DTHD1: variants seen among roughly 807,000 people sequenced by gnomAD.
DTHD1 encodes death domain-containing protein 1.
A neutral mutation model predicts 74.8 loss-of-function variants in DTHD1; 59 were observed. That is an observed-to-expected ratio of 0.79 (90% CI 0.64 to 0.98). The LOEUF is 0.98. Among genes scored for constraint, DTHD1 ranks in the 50% least tolerant of loss-of-function variants. The probability of loss-of-function intolerance (pLI) is 0.00; values close to 1 mark genes in which losing one functional copy is unlikely to be tolerated. For missense variants in DTHD1, 1,051 were observed against 1,065.4 expected (o/e 0.99, Z 0.19); for synonymous variants, 365 against 371.1 (o/e 0.98, Z 0.19).
At chr4:36,321,906 G>T (rs574165766) in intron 8 of DTHD1, among the ~76,000 whole-genome samples, 6 of 152,188 alleles carry the variant, frequency 3.9e-5, no homozygotes, top group African/African-American at 1.4e-4. Context: ...TGAGTTTTTG[G>T]AATATGCCAC....
At position 36,281,864 on chromosome 4, in the gene DTHD1, G is replaced by A; in HGVS notation, c.106G>A (p.Glu36Lys). Residue 36 changes from glutamate (E) to lysine (K), a missense_variant, in exon 1 of 10, where the codon GAG becomes AAG. Physicochemically the swap from Glu to Lys is moderately conservative, Grantham distance 56. Transcript: ENST00000639862. ...KQALLGDDLCEGAGGATWMAT... is the reference protein window; with the variant it reads ...KQALLGDDLCKGAGGATWMAT... ...GGCACTCTTGGGTGATGACCTTTGTGAGGGGGCTGGTGGGGCCACTTGGAT... is the reference window on the plus strand; with the variant it reads ...GGCACTCTTGGGTGATGACCTTTGTAAGGGGGCTGGTGGGGCCACTTGGAT... 1 of 1,266,422 alleles carries A rather than the reference G, an allele frequency of 7.9e-7. No individual in the cohort carries two copies. The highest frequency in any genetic ancestry group is 1.0e-6 in the Non-Finnish European group (1 of 1,003,564). 78.4% of individuals were successfully genotyped at this position (1,266,422 alleles called of 1,614,324 possible). A position where few individuals can be genotyped will look rare whatever the true frequency, so the allele number is the denominator to read the frequency against.
chr4:36,293,966 T>A (rs1447902723), intron 4 of DTHD1, among the ~76,000 whole-genome samples: 1 of 152,110 alleles, frequency 6.6e-6, no homozygotes, highest in Non-Finnish European at 1.5e-5. Context: ...TTCTTTATGA[T>A]ATTTATTGGG....
At chr4:36,330,082 T>C (rs139829252) in intron 8 of DTHD1, among the ~76,000 whole-genome samples, 341 of 152,350 alleles carry the variant, frequency 2.2e-3, no homozygotes, top group African/African-American at 7.8e-3. Context: ...AGATACATGA[T>C]ATAACTCAAT....
intron 8 of DTHD1, among the ~76,000 whole-genome samples, chr4:36,332,341 T>G (rs1409534338): frequency 6.6e-6 from 1 of 152,188 alleles, no homozygotes; most frequent in Non-Finnish European, 1.5e-5. Flanking sequence ...AGAGAAGGAT[T>G]TACAATTTTC....
rs1313568784 is a variant in DTHD1 at position 36,343,676 on chromosome 4, C to A, written c.2573C>A (p.Ser858Ter). 3 of 1,551,652 alleles carry A rather than the reference C, an allele frequency of 1.9e-6. No homozygotes were observed. The highest frequency in any genetic ancestry group is 2.4e-5 in the East Asian group (1 of 40,940). Residue 858 changes from serine to a stop codon, truncating the protein, a stop_gained, in exon 10 of 10, where the codon TCG becomes TAG. Coordinates refer to ENST00000639862, the MANE Select transcript of DTHD1 (RefSeq NM_001170700.3). LOFTEE classifies it high-confidence loss of function. ...GAGTTTCTTTGCTTCTGGAAAAAAT[C>A]GCTTCCAACTTTCACCGACAAACTT... The part of the protein sequence containing the change: ...IHEFLCFWKK[S>*]LPTFTDKLRL...
intron 9 of DTHD1, 76 bp downstream of exon 9, chr4:36,339,245 A>T: frequency 1.0e-6 from 1 of 1,004,028 alleles, no homozygotes; most frequent in Non-Finnish European, 1.4e-6. Flanking sequence ...GAATCATTTC[A>T]TAAAAAGGAA....
chr4:36,283,509 G>C (rs774881428), intron 1 of DTHD1, among the ~76,000 whole-genome samples: 1 of 152,162 alleles, frequency 6.6e-6, no homozygotes, highest in Non-Finnish European at 1.5e-5. Flanking sequence ...AATAATGGAG[G>C]TATGGTGTTT....
At chr4:36,290,280 C>T (rs1441041356) in intron 2 of DTHD1, 93 bp from the exon 3 acceptor site, 36 of 1,273,430 alleles carry the variant, frequency 2.8e-5, no homozygotes, top group Non-Finnish European at 3.8e-5. Flanking sequence ...CACACCAAGA[C>T]AATGTAGATC....
intron 2 of DTHD1, among the ~76,000 whole-genome samples, chr4:36,286,467 C>G (rs1307962833): frequency 2.6e-5 from 4 of 152,178 alleles, no homozygotes; most frequent in African/African-American, 9.7e-5. Context: ...GTGTGATAAA[C>G]AAAACCTCAC....
At chr4:36,327,020 G>T (rs959420103) in intron 8 of DTHD1, among the ~76,000 whole-genome samples, 1 of 151,078 alleles carries the variant, frequency 6.6e-6, no homozygotes, top group African/African-American at 2.4e-5. Flanking sequence ...AGACCGGAGT[G>T]CAGTGGCATG....
chr4:36,339,591 T>C (rs1759205960), intron 9 of DTHD1, among the ~76,000 whole-genome samples: 1 of 152,194 alleles, frequency 6.6e-6, no homozygotes, highest in Non-Finnish European at 1.5e-5. Context: ...TAAGAAACAT[T>C]TAATATTTGG....
In DTHD1 at chr4:36,347,348, A is replaced by C. The variant is rs1034869479; in HGVS notation, c.*3524A>C. 3.3e-5 allele frequency among the ~76,000 whole-genome samples: 5 copies of C among 152,126 alleles called. No individual in the cohort carries two copies. The highest frequency in any genetic ancestry group is 5.9e-5 in the Non-Finnish European group (4 of 68,006). Reference sequence around the variant, plus strand: ...ATTTTGCTGTGTGTGGCAATGGTTCATTCTCATTAATGTATAATATTCTAT... The same window carrying C: ...ATTTTGCTGTGTGTGGCAATGGTTCCTTCTCATTAATGTATAATATTCTAT... On this transcript the variant is annotated 3_prime_UTR_variant, in exon 10 of 10. Transcript: ENST00000639862.
intron 6 of DTHD1, among the ~76,000 whole-genome samples, chr4:36,306,628 A>G (rs1197230450): frequency 1.3e-5 from 2 of 152,222 alleles, no homozygotes; most frequent in Non-Finnish European, 2.9e-5. Context: ...CATTTCTGAA[A>G]TACCATGGAG....
intron 7 of DTHD1, among the ~76,000 whole-genome samples, chr4:36,309,823 T>C (rs974514464): frequency 3.9e-5 from 6 of 152,242 alleles, no homozygotes; most frequent in South Asian, 4.1e-4. Context: ...CAATGTTTGA[T>C]AGATTTATAT....
intron 8 of DTHD1, among the ~76,000 whole-genome samples, chr4:36,322,853 C>T (rs910656078): frequency 1.3e-5 from 2 of 152,154 alleles, no homozygotes; most frequent in Non-Finnish European, 2.9e-5. Context: ...TGTATTTTGG[C>T]AGAAACAAGG....
chr4:36,338,966 C>G (rs1759162301), intron 8 of DTHD1, 146 bp from the exon 9 acceptor site: 1 of 570,538 alleles, frequency 1.8e-6, no homozygotes, highest in African/African-American at 1.9e-5. Context: ...GCTGAGCATG[C>G]ATGCACAAAT....
At chr4:36,300,112 T>G (rs1321159784) in intron 5 of DTHD1, among the ~76,000 whole-genome samples, 1 of 152,226 alleles carries the variant, frequency 6.6e-6, no homozygotes, top group Non-Finnish European at 1.5e-5. Flanking sequence ...AAGTCTAACA[T>G]CTGAAGTCTT....
In DTHD1 at chr4:36,284,445, G is replaced by C. The variant is rs1298332099; in HGVS notation, c.741G>C (p.Glu247Asp). 6.5e-7 allele frequency: 1 copy of C among 1,537,062 alleles called. No homozygotes were observed. The highest frequency in any genetic ancestry group is 8.7e-7 in the Non-Finnish European group (1 of 1,146,818). ...CTCATGGCATAATTCAGACAACAGA[G>C]ACAGAAATTCAAGAGACTTCAGAAA... ...EETHGIIQTT[E>D]TEIQETSESP... The change falls in exon 2 of 10, where the codon GAG (glutamate) becomes GAC (aspartate). Residue 247 changes from glutamate (E) to aspartate (D), a missense_variant. Glu to Asp is a conservative substitution (Grantham distance 45). Transcript: ENST00000639862.
intron 7 of DTHD1, among the ~76,000 whole-genome samples, chr4:36,314,897 T>C (rs1757625353): frequency 1.3e-5 from 2 of 152,060 alleles, no homozygotes; most frequent in African/African-American, 4.8e-5. Flanking sequence ...TCTCATTTCA[T>C]TTCCTAAACA....
Sources: allele counts gnomAD v4.1 joint callset (sites outside exome capture counted in the v4.1 genomes callset), GRCh38; gene constraint gnomAD v4.1.1; transcripts MANE v1.5; gene names NCBI Gene and HGNC (gene_info 2026-07-23, HGNC 2026-07-21).